KRT16: variants seen among roughly 807,000 people sequenced by gnomAD.
The protein encoded by KRT16 is keratin 16.
Under a neutral mutation model 44.8 loss-of-function variants are expected in KRT16, and 42 were observed. The ratio of observed to expected loss-of-function variants is 0.94; its 90% CI spans 0.73 to 1.21. The LOEUF (loss-of-function observed/expected upper bound fraction) is 1.21, where lower values mean the gene tolerates loss of function less well. KRT16 is among the 50% of genes most tolerant of loss of function. The pLI is 0.00. For missense variants in KRT16, 561 were observed against 626.9 expected, an observed-to-expected ratio of 0.89 and a Z score of 1.12; for synonymous variants, 226 against 260.4, an observed-to-expected ratio of 0.87 and a Z score of 1.27.
chr17:41,612,070 T>C (rs1431102326), intron 1 of KRT16, 88 bp downstream of exon 1: 1 of 1,517,410 alleles, frequency 6.6e-7, no homozygotes, highest in Non-Finnish European at 9.1e-7. Context: ...GTCTCCCTGT[T>C]TGTAAAGTGT....
chr17:41,612,517 A>G lies in KRT16; in HGVS notation c.172T>C (p.Ser58Pro). 6.2e-7 allele frequency: 1 copy of G among 1,601,334 alleles called. No individual in the cohort carries two copies. Among genetic ancestry groups the G allele is most frequent in the Non-Finnish European group, 8.5e-7 (1 of 1,174,230 alleles). ...CCCCCCAGCCCGCAGGCTCCCCCAG[A>G]GGAGAAGCGAGAGGAGACAGACAGG... ...GGLSVSSRFS[S>P]GGACGLGGGY... is the part of the protein sequence containing the mutation. The change falls in exon 1 of 8, where the codon TCT becomes CCT. Residue 58 changes from serine to proline, a missense_variant. Ser to Pro is a moderately conservative substitution (Grantham distance 74). Coordinates refer to ENST00000301653, the MANE Select transcript of KRT16 (RefSeq NM_005557.4).
At position 41,611,696 on chromosome 17, in the gene KRT16, G is replaced by A. The variant is rs547733077; in HGVS notation, c.557C>T (p.Ala186Val). ...ATTGTCAATCTGCAAAATGGGCTGC[G>A]CATTCTCAATGGTGGCCGCAATGAT... is the stretch of plus-strand genomic sequence containing the variant. ...NKIIAATIEN[A>V]QPILQIDNAR... is the part of the protein sequence containing the mutation. Residue 186 changes from alanine (A) to valine (V), a missense_variant, in exon 2 of 8, where the codon GCG becomes GTG. Physicochemically the swap from Ala to Val is moderately conservative, Grantham distance 64. Transcript: ENST00000301653. 4.3e-5 allele frequency: 69 copies of A among 1,611,040 alleles called. No homozygotes were observed. In the Admixed American group the frequency reaches 4.7e-4, roughly 11 times the overall value.
At position 41,610,038 on chromosome 17, in the gene KRT16, G is replaced by A. The variant is rs771790616; in HGVS notation, c.1328-9C>T. 8 of 1,599,692 alleles carry A rather than the reference G, an allele frequency of 5.0e-6. No homozygotes were observed. Among genetic ancestry groups the A allele is most frequent in the Non-Finnish European group, 5.1e-6 (6 of 1,168,924 alleles). ...CGAGGAGGAGGTGAAGACTGTGGGA[G>A]AGAGAAGAGGAGGTGAGAAGGGGTC... is the stretch of plus-strand genomic sequence containing the variant. On this transcript the variant is annotated splice_polypyrimidine_tract_variant and intron_variant, in intron 7 of 7. Transcript: ENST00000301653.
At position 41,609,863 on chromosome 17, in the gene KRT16, G is replaced by C; in HGVS notation, c.*72C>G. ...AGCTGGGAACTGCGCCAGGAGAGCA[G>C]GGTCCTGACCCGGGCCTTCAGGAGG... On this transcript the variant is annotated 3_prime_UTR_variant, in exon 8 of 8. Coordinates refer to ENST00000301653, the MANE Select transcript of KRT16 (RefSeq NM_005557.4). The C allele has an allele frequency of 2.4e-6, 3 of 1,257,482 alleles. No homozygotes were observed. The highest frequency in any genetic ancestry group is 1.8e-5 in the Admixed American group (1 of 56,562). The allele number at this position is 1,257,482 out of a possible 1,614,324, so 77.9% of individuals were successfully genotyped here.
chr17:41,611,258 G>C (rs761066481), intron 3 of KRT16, 28 bp from the exon 4 acceptor site: 6 of 1,613,964 alleles, frequency 3.7e-6, no homozygotes, highest in Non-Finnish European at 5.1e-6. Context: ...GAGGCGGTCA[G>C]TTCAGCAGAC....
intron 5 of KRT16, 57 bp downstream of exon 5, chr17:41,610,797 G>A: frequency 2.5e-6 from 4 of 1,611,620 alleles, no homozygotes; most frequent in Admixed American, 1.7e-5. Context: ...GCTTTTTGAG[G>A]GGGTGGTGGC....
chr17:41,610,588 G>A, intron 5 of KRT16, 37 bp from the exon 6 acceptor site: 2 of 1,605,936 alleles, frequency 1.2e-6, no homozygotes, highest in Non-Finnish European at 1.7e-6. Flanking sequence ...CCATGGAGGT[G>A]GTCACTCCTG....
rs760109907 is a variant in KRT16, at chr17:41,612,415, C to A, written c.274G>T (p.Ala92Ser). The A allele has an allele frequency of 6.2e-6, 10 of 1,613,980 alleles. No homozygotes were observed. Among genetic ancestry groups the A allele is most frequent in the Non-Finnish European group, 8.5e-6 (10 of 1,180,018 alleles). The change falls in exon 1 of 8, where the codon GCT (alanine) becomes TCT (serine). Residue 92 changes from alanine (A) to serine (S), a missense_variant. Coordinates refer to ENST00000301653, the MANE Select transcript of KRT16 (RefSeq NM_005557.4). ...FGGGYGGGLG[A>S]GFGGGLGAGF... is the part of the protein sequence containing the mutation. ...GCACCCAAGCCACCACCGAAGCCAG[C>A]ACCAAGGCCACCACCATATCCTCCC...
chr17:41,610,925 G>A lies in KRT16; in HGVS notation c.988C>T (p.Arg330Cys), dbSNP rs766374250. Residue 330 changes from arginine (R) to cysteine (C), a missense_variant, in exon 5 of 8, where the codon CGC becomes TGC. Physicochemically the swap from Arg to Cys is radical, Grantham distance 180 (BLOSUM62 -3). Transcript: ENST00000301653. ...ASNSELVQSS[R>C]SEVTELRRVL... ...CTCCGGAGCTCCGTCACCTCACTGC[G>A]GCTGCTCTGTACCAGTTCGCTGTTG... 4.8e-5 allele frequency: 77 copies of A among 1,614,022 alleles called. No individual in the cohort carries two copies. Among genetic ancestry groups the A allele is most frequent in the African/African-American group, 1.5e-4 (11 of 74,912 alleles).
chr17:41,612,018 C>A, intron 1 of KRT16, 140 bp downstream of exon 1: 1 of 1,111,892 alleles, frequency 9.0e-7, no homozygotes, highest in Non-Finnish European at 1.4e-6. Context: ...CCCTCTGCTA[C>A]CACTTCCCTG....
rs148365727 is a variant in KRT16 at position 41,610,386 on chromosome 17, G to C, written c.1225C>G (p.Arg409Gly). 6.2e-7 allele frequency: 1 copy of C among 1,612,428 alleles called. No individual in the cohort carries two copies. Among genetic ancestry groups the C allele is most frequent in the Admixed American group, 1.7e-5 (1 of 60,020 alleles). The change falls in exon 6 of 8, where the codon CGG becomes GGG. Residue 409 changes from arginine (R) to glycine (G), a missense_variant. Physicochemically the swap from Arg to Gly is moderately radical, Grantham distance 125 (BLOSUM62 -2). Transcript: ENST00000301653. ...EYQILLDVKT[R>G]LEQEIATYRR... The stretch of plus-strand genomic sequence containing the variant: ...TAGGTGGCAATCTCCTGCTCCAGCC[G>C]CGTCTTCACATCCAGCAAGATCTGG...
rs1450634019 is a variant in KRT16 at position 41,610,530 on chromosome 17, G to T, written c.1081C>A (p.Leu361Met). The change falls in exon 6 of 8, where the codon CTG (leucine) becomes ATG (methionine). Residue 361 changes from leucine to methionine, a missense_variant. Transcript: ENST00000301653. ...CAGTAGCGGCCTTTGGTCTCCTCCA[G>T]GCTGTTCTCCAGGGATGCTTTCTGC... ...LSMKASLENS[L>M]EETKGRYCMQ... 1 of 1,612,084 alleles carries T rather than the reference G, an allele frequency of 6.2e-7. No homozygotes were observed.
At position 41,612,635 on chromosome 17, in the gene KRT16, G is replaced by A. The variant is rs184161015; in HGVS notation, c.54C>T (p.Cys18=). ...FTSSSSMKGS[C]GIGGGIGGGS... ...CGCCCCCGATGCCGCCTCCGATGCCGCAGGAGCCCTTCATGGAGCTGGAGG... is the reference window on the plus strand; with the variant it reads ...CGCCCCCGATGCCGCCTCCGATGCCACAGGAGCCCTTCATGGAGCTGGAGG... Residue 18 remains cysteine, a synonymous_variant, in exon 1 of 8, where the codon TGC becomes TGT. Transcript: ENST00000301653. The A allele has an allele frequency of 3.5e-5, 56 of 1,599,736 alleles. No individual in the cohort carries two copies. Among genetic ancestry groups the A allele is most frequent in the African/African-American group, 1.3e-4 (10 of 74,590 alleles).
In KRT16 at chr17:41,611,050, C is replaced by G; in HGVS notation, c.933+19G>C. 6.2e-7 allele frequency: 1 copy of G among 1,614,040 alleles called. No homozygotes were observed. Among genetic ancestry groups the G allele is most frequent in the South Asian group, 1.1e-5 (1 of 91,078 alleles). ...CCAGCTGGGAAGTGCTGCAGGCTCACTGCGGGCCCGAGCCCCACCTTGCTC... is the reference window on the plus strand; with the variant it reads ...CCAGCTGGGAAGTGCTGCAGGCTCAGTGCGGGCCCGAGCCCCACCTTGCTC... On this transcript the variant is annotated intron_variant, in intron 4 of 7. Transcript: ENST00000301653.
chr17:41,611,945 T>C, intron 1 of KRT16: 1 of 801,770 alleles, frequency 1.2e-6, no homozygotes, highest in Non-Finnish European at 2.1e-6. Context: ...AGCTGAACCC[T>C]TGAAGGAAAT....
At position 41,609,968 on chromosome 17, in the gene KRT16, G is replaced by A. The variant is rs768560255; in HGVS notation, c.1389C>T (p.Ser463=). The stretch of plus-strand genomic sequence containing the variant: ...TCTGGCCCTGGCTGAAGCTGGATGA[G>A]CTCTGCTCCTTGAGGATGGGCCGGG... ...RQTRPILKEQ[S]SSSFSQGQSS The change falls in exon 8 of 8, where the codon AGC becomes AGT. Residue 463 remains serine, a synonymous_variant. Coordinates refer to ENST00000301653, the MANE Select transcript of KRT16 (RefSeq NM_005557.4). 45 of 1,611,946 alleles carry A rather than the reference G, an allele frequency of 2.8e-5. 2 individuals carry two copies. The Middle Eastern group carries it at 6.8e-4, about 24-fold the overall frequency.
At chr17:41,610,079 C>T in intron 7 of KRT16, 50 bp from the exon 8 acceptor site, 1 of 1,579,996 alleles carries the variant, frequency 6.3e-7, no homozygotes, top group East Asian at 2.2e-5. Context: ...GCTAAGCTGA[C>T]TCCAGGGCAG....
Position 41,611,497 on chromosome 17 carries a change from C to A in KRT16, c.619G>T (p.Glu207Ter), listed in dbSNP as rs762344504. Residue 207 changes from glutamate to a stop codon, truncating the protein, a stop_gained, in exon 3 of 8, where the codon GAG (glutamate) becomes TAG (stop). Transcript: ENST00000301653. LOFTEE classifies it high-confidence loss of function. ...LAADDFRTKY[E>*]HELALRQTVE... is the part of the protein sequence containing the mutation. ...GTCTGCCGCAGGGCCAGTTCATGCT[C>A]ATACCTGGCAGGACAGAGGTCAGGT... 1.1e-5 allele frequency: 17 copies of A among 1,613,538 alleles called. No homozygotes were observed. The highest frequency in any genetic ancestry group is 1.0e-4 in the Admixed American group (6 of 60,000).
Position 41,610,494 on chromosome 17 carries a change from A to C in KRT16, c.1117T>G (p.Ser373Ala), listed in dbSNP as rs1908151098. ...CTGCCAATCAGTCCCTGGATCTGGG[A>C]CAGCTGCATGCAGTAGCGGCCTTTG... ...ETKGRYCMQL[S>A]QIQGLIGSVE... Residue 373 changes from serine to alanine, a missense_variant, in exon 6 of 8, where the codon TCC becomes GCC. Coordinates refer to ENST00000301653, the MANE Select transcript of KRT16 (RefSeq NM_005557.4). 1.2e-6 allele frequency: 2 copies of C among 1,612,118 alleles called. No individual in the cohort carries two copies. Among genetic ancestry groups the C allele is most frequent in the Non-Finnish European group, 1.7e-6 (2 of 1,179,856 alleles).
Sources: gnomAD v4.1 joint callset for allele counts on GRCh38, gnomAD v4.1.1 for gene constraint, MANE v1.5 for transcripts, NCBI Gene and HGNC (gene_info 2026-07-23, HGNC 2026-07-21) for gene names.